Variants in TMEM71 observed in about 807,000 individuals in gnomAD.
TMEM71 encodes transmembrane protein 71.
TMEM71 carries 44 observed loss-of-function variants against 38.0 expected under a neutral mutation model. The ratio of observed to expected loss-of-function variants is 1.16; its 90% confidence interval spans 0.91 to 1.49. The LOEUF is 1.49. Ranked by LOEUF, TMEM71 falls within the 40% of genes most tolerant of loss-of-function variation. TMEM71 has a pLI of 0.00. For missense variants in TMEM71, 367 were observed against 348.6 expected, an observed-to-expected ratio of 1.05 and a Z score of -0.42; for synonymous variants, 133 against 122.5, an observed-to-expected ratio of 1.09 and a Z score of -0.56.
intron 5 of TMEM71, among the ~76,000 whole-genome samples, chr8:132,736,507 T>G (rs749668653): frequency 2.0e-5 from 3 of 151,948 alleles, no homozygotes; most frequent in Non-Finnish European, 4.4e-5. Flanking sequence ...GTGACTAGAG[T>G]TAATAATAAT....
chr8:132,713,872 T>G (rs897347197), intron 9 of TMEM71, 123 bp downstream of exon 9: 19 of 922,810 alleles, frequency 2.1e-5, no homozygotes, highest in Middle Eastern at 2.3e-4. Context: ...GAAAGTAGTC[T>G]TCAGGACGAA....
chr8:132,754,588 A>C (rs1828904200), intron 3 of TMEM71, among the ~76,000 whole-genome samples: 1 of 152,196 alleles, frequency 6.6e-6, no homozygotes, highest in Admixed American at 6.5e-5. Context: ...ATTTCTATAA[A>C]TATTTAATGT....
At chr8:132,752,915 C>T (rs1828806171) in intron 3 of TMEM71, among the ~76,000 whole-genome samples, 1 of 151,692 alleles carries the variant, frequency 6.6e-6, no homozygotes, top group Non-Finnish European at 1.5e-5. Context: ...AATTGAAAGG[C>T]AACCAAATTA....
At chr8:132,725,013 C>A (rs1463266069) in intron 6 of TMEM71, among the ~76,000 whole-genome samples, 1 of 151,816 alleles carries the variant, frequency 6.6e-6, no homozygotes, top group East Asian at 2.0e-4. Context: ...GTATGGAGGG[C>A]CTTTTTTTCT....
At chr8:132,761,164 A>G (rs983495781), upstream of TMEM71, among the ~76,000 whole-genome samples, 4 of 152,180 alleles carry the variant, frequency 2.6e-5, no homozygotes, top group African/African-American at 9.7e-5. Flanking sequence ...GTACTACTGT[A>G]AGTGATAAAA....
downstream of TMEM71, among the ~76,000 whole-genome samples, chr8:132,709,644 A>G (rs1826146230): frequency 6.6e-6 from 1 of 152,020 alleles, no homozygotes; most frequent in Non-Finnish European, 1.5e-5. Context: ...TGTGCTTTGG[A>G]GGTGGAGGAG....
At chr8:132,714,384 T>G (rs539779393) in intron 7 of TMEM71, among the ~76,000 whole-genome samples, 169 bp from the exon 8 acceptor site, 1 of 152,030 alleles carries the variant, frequency 6.6e-6, no homozygotes, top group Non-Finnish European at 1.5e-5. Flanking sequence ...TGAAAGAGAG[T>G]AGACAGCCCA....
intron 6 of TMEM71, among the ~76,000 whole-genome samples, chr8:132,726,295 A>G (rs759037375): frequency 3.9e-5 from 6 of 152,076 alleles, no homozygotes; most frequent in Non-Finnish European, 7.4e-5. Context: ...ACACTTATCT[A>G]GTAGCTGCAC....
chr8:132,765,263 A>G (rs1340258572), upstream of TMEM71, among the ~76,000 whole-genome samples: 4 of 152,150 alleles, frequency 2.6e-5, no homozygotes, highest in Non-Finnish European at 5.9e-5. Flanking sequence ...AGCTGTGTGT[A>G]TTTTTGGAAG....
At chr8:132,753,479 C>T (rs532638376) in intron 3 of TMEM71, among the ~76,000 whole-genome samples, 36 of 152,170 alleles carry the variant, frequency 2.4e-4, no homozygotes, top group African/African-American at 7.2e-4. Flanking sequence ...GGAGTTTTGG[C>T]GGTCATGTCT....
chr8:132,743,936 T>C (rs1828193617), intron 5 of TMEM71, among the ~76,000 whole-genome samples: 2 of 152,202 alleles, frequency 1.3e-5, no homozygotes. Flanking sequence ...TCCTCTCTCA[T>C]TGTCTAGCAC....
chr8:132,738,106 C>T (rs1336388173), intron 5 of TMEM71, among the ~76,000 whole-genome samples: 1 of 152,018 alleles, frequency 6.6e-6, no homozygotes, highest in Non-Finnish European at 1.5e-5. Flanking sequence ...AGAAGTGTGA[C>T]ATTTTTCATG....
intron 5 of TMEM71, 116 bp downstream of exon 5, chr8:132,746,826 C>G: frequency 1.3e-6 from 1 of 764,250 alleles, no homozygotes; most frequent in Non-Finnish European, 2.0e-6. Context: ...AAATGTGGCC[C>G]ATCTCTCCAT....
chr8:132,770,014 G>T, the TMEM71 span, among the ~76,000 whole-genome samples: 2 of 152,170 alleles, frequency 1.3e-5, no homozygotes. Context: ...TTTGGTGACT[G>T]TCAATTTGTA....
intron 3 of TMEM71, among the ~76,000 whole-genome samples, chr8:132,756,415 A>T (rs892752749): frequency 2.0e-4 from 12 of 61,346 alleles, no homozygotes; most frequent in Non-Finnish European, 4.1e-4. Flanking sequence ...TATATATTAT[A>T]TATATATATA....
the TMEM71 span, chr8:132,775,266 C>T: frequency 6.2e-6 from 2 of 322,878 alleles, no homozygotes; most frequent in African/African-American, 2.2e-5. Flanking sequence ...GCCCCGCCTC[C>T]TACGGCGGCC....
rs1231124456 is a variant in TMEM71 at position 132,747,301 on chromosome 8, C to T, written c.315-187G>A. 2.6e-5 allele frequency among the ~76,000 whole-genome samples: 4 copies of T among 152,016 alleles called. No homozygotes were observed. The East Asian group carries it at 5.8e-4, about 22-fold the overall frequency. ...ATGTCAAGAGTACTGAGGTAAAAGA[C>T]AAAACTTTGTGTGTGAAAAGTTCAC... On this transcript the variant is annotated intron_variant, in intron 4 of 9. Coordinates refer to ENST00000677595, the MANE Select transcript of TMEM71 (RefSeq NM_001382403.1).
chr8:132,746,859 A>G, intron 5 of TMEM71, 83 bp downstream of exon 5: 1 of 1,138,240 alleles, frequency 8.8e-7, no homozygotes, highest in Non-Finnish European at 1.2e-6. Flanking sequence ...CATCCCTGGA[A>G]CTGACATTGG....
At chr8:132,715,554 A>G (rs1465209050) in intron 7 of TMEM71, among the ~76,000 whole-genome samples, 1 of 152,154 alleles carries the variant, frequency 6.6e-6, no homozygotes, top group East Asian at 1.9e-4. Context: ...TAGACTTACC[A>G]TATAACCCAA....
Sources: gnomAD v4.1 joint callset for allele counts (sites outside exome capture counted in the v4.1 genomes callset) on GRCh38, gnomAD v4.1.1 for gene constraint, MANE v1.5 for transcripts, NCBI Gene and HGNC (gene_info 2026-07-23, HGNC 2026-07-21) for gene names.